PLPPR5: variants seen among roughly 807,000 people sequenced by gnomAD.
The protein encoded by PLPPR5 is phospholipid phosphatase related 5, also known as phospholipid phosphatase-related protein type 5.
PLPPR5 carries 16 observed loss-of-function variants against 33.9 expected under a neutral mutation model. The observed-to-expected ratio is 0.47, with a 90% CI of 0.32 to 0.72. The LOEUF (loss-of-function observed/expected upper bound fraction) is 0.72, where lower values mean the gene tolerates loss of function less well. Ranked by LOEUF, PLPPR5 falls within the 30% of genes least tolerant of loss-of-function variation. The pLI is 0.03. For missense variants in PLPPR5, 301 were observed against 406.7 expected, an observed-to-expected ratio of 0.74 and a Z score of 2.23; for synonymous variants, 163 against 150.3, an observed-to-expected ratio of 1.08 and a Z score of -0.62.
intron 1 of PLPPR5, among the ~76,000 whole-genome samples, chr1:98,971,485 G>T (rs1651658365): frequency 6.6e-6 from 1 of 151,858 alleles, no homozygotes; most frequent in Non-Finnish European, 1.5e-5. Flanking sequence ...TCAAGATTCA[G>T]ATTAGCATTT....
intron 1 of PLPPR5, among the ~76,000 whole-genome samples, chr1:98,987,796 A>G (rs903139195): frequency 5.3e-5 from 8 of 152,120 alleles, no homozygotes; most frequent in Non-Finnish European, 8.8e-5. Context: ...ATAAAGAATT[A>G]TGCATTTTAC....
intron 5 of PLPPR5, among the ~76,000 whole-genome samples, chr1:98,896,581 A>G (rs1648480074): frequency 1.3e-5 from 2 of 152,074 alleles, no homozygotes; most frequent in Non-Finnish European, 2.9e-5. Flanking sequence ...TGTAGATTAG[A>G]ATATGCTACA....
At chr1:98,894,988 T>A (rs1648415547) in intron 5 of PLPPR5, among the ~76,000 whole-genome samples, 1 of 151,996 alleles carries the variant, frequency 6.6e-6, no homozygotes, top group African/African-American at 2.4e-5. Context: ...AATATGGACA[T>A]GTGGAAGGGG....
At chr1:98,974,372 T>G (rs1429505105) in intron 1 of PLPPR5, among the ~76,000 whole-genome samples, 2 of 152,110 alleles carry the variant, frequency 1.3e-5, no homozygotes, top group South Asian at 2.1e-4. Flanking sequence ...TCACATTGCC[T>G]TTGCCTTTCA....
At chr1:98,971,654 T>C (rs1651665176) in intron 1 of PLPPR5, among the ~76,000 whole-genome samples, 1 of 152,030 alleles carries the variant, frequency 6.6e-6, no homozygotes, top group Non-Finnish European at 1.5e-5. Context: ...TGTGGGCTGC[T>C]AAAATATTGA....
In PLPPR5 at chr1:98,982,258, T is replaced by G. The variant is rs980233192; in HGVS notation, c.237+22177A>C. On this transcript the variant is annotated intron_variant, in intron 1 of 5. Transcript: ENST00000263177. ...TTTTACTGGCGGTGTTAGGTAAAAT[T>G]TATAGGATGCCAATGGTTTGGACTG... Among the ~76,000 whole-genome samples the G allele has an allele frequency of 4.6e-5, 7 of 152,062 alleles. 1 individual carries two copies. Among genetic ancestry groups the G allele is most frequent in the African/African-American group, 9.7e-5 (4 of 41,432 alleles).
At chr1:98,928,464 A>C (rs61172681) in intron 3 of PLPPR5, among the ~76,000 whole-genome samples, 5,270 of 150,428 alleles carry the variant, frequency 0.035, 299 homozygotes, top group African/African-American at 0.12. Flanking sequence ...AAATGGTAAT[A>C]GTTTGGATAC....
At chr1:98,966,537 A>G (rs1360074680) in intron 1 of PLPPR5, among the ~76,000 whole-genome samples, 2 of 152,174 alleles carry the variant, frequency 1.3e-5, no homozygotes, top group Non-Finnish European at 2.9e-5. Context: ...AGTAACCTAT[A>G]TATGTTACTA....
At chr1:98,968,536 AAT>A (rs1434828545) in intron 1 of PLPPR5, among the ~76,000 whole-genome samples, 1 of 152,108 alleles carries the variant, frequency 6.6e-6, no homozygotes, top group Non-Finnish European at 1.5e-5. Context: ...ATGTTTCTCA[AAT>A]AATATTTATG....
chr1:98,969,952 C>T (rs921966187), intron 1 of PLPPR5, among the ~76,000 whole-genome samples: 1 of 151,990 alleles, frequency 6.6e-6, no homozygotes, highest in Middle Eastern at 3.2e-3. Context: ...ACAGCTCTGC[C>T]TAAGAAAGCA....
chr1:99,004,309 G>T, intron 1 of PLPPR5, 126 bp downstream of exon 1: 1 of 793,198 alleles, frequency 1.3e-6, no homozygotes, highest in Non-Finnish European at 1.9e-6. Context: ...GGAAGGGGCT[G>T]CCCATAACTT....
chr1:98,921,024 C>A lies in PLPPR5; in HGVS notation c.798+858G>T, dbSNP rs1009136713. 8.5e-5 allele frequency among the ~76,000 whole-genome samples: 13 copies of A among 152,142 alleles called. No homozygotes were observed. The South Asian group carries it at 2.7e-3, about 32-fold the overall frequency. On this transcript the variant is annotated intron_variant, in intron 4 of 5. Transcript: ENST00000263177. ...TTATACTATACTTTAAGAGTATAATCAGATTTTATGGTATAAACATCAGTA... is the reference window on the plus strand; with the variant it reads ...TTATACTATACTTTAAGAGTATAATAAGATTTTATGGTATAAACATCAGTA...
intron 3 of PLPPR5, among the ~76,000 whole-genome samples, chr1:98,932,772 G>A (rs1650026061): frequency 6.6e-6 from 1 of 152,180 alleles, no homozygotes; most frequent in African/African-American, 2.4e-5. Context: ...TAAAGGCCCA[G>A]ATAGCATCAG....
intron 4 of PLPPR5, among the ~76,000 whole-genome samples, chr1:98,917,091 C>G (rs1649383257): frequency 6.6e-6 from 1 of 152,144 alleles, no homozygotes; most frequent in Non-Finnish European, 1.5e-5. Context: ...CCAGCACCCA[C>G]TCCAAACTTG....
intron 1 of PLPPR5, among the ~76,000 whole-genome samples, chr1:98,998,262 C>G (rs1016405695): frequency 1.3e-5 from 2 of 151,994 alleles, no homozygotes; most frequent in Non-Finnish European, 2.9e-5. Flanking sequence ...AAAAAGCATG[C>G]CTTAGAAACA....
At chr1:98,946,099 C>A (rs1650539595) in intron 3 of PLPPR5, among the ~76,000 whole-genome samples, 1 of 152,132 alleles carries the variant, frequency 6.6e-6, no homozygotes, top group Non-Finnish European at 1.5e-5. Flanking sequence ...AAATCCAAAT[C>A]CAAATCCAAA....
chr1:98,934,896 C>T (rs979611493), intron 3 of PLPPR5, among the ~76,000 whole-genome samples: 2 of 151,986 alleles, frequency 1.3e-5, no homozygotes, highest in Middle Eastern at 3.2e-3. Context: ...TTTGTATAAA[C>T]ATTAAGTCTG....
At chr1:98,995,769 G>A (rs1362107730) in intron 1 of PLPPR5, among the ~76,000 whole-genome samples, 6 of 152,084 alleles carry the variant, frequency 3.9e-5, no homozygotes, top group Non-Finnish European at 8.8e-5. Context: ...TTAGAGAATG[G>A]AATATGTAAA....
At chr1:98,937,462 A>G (rs1422431892) in intron 3 of PLPPR5, among the ~76,000 whole-genome samples, 1 of 152,194 alleles carries the variant, frequency 6.6e-6, no homozygotes, top group Non-Finnish European at 1.5e-5. Flanking sequence ...GATTGAGCTC[A>G]TAAGACACAT....
Sources: allele counts gnomAD v4.1 joint callset (sites outside exome capture counted in the v4.1 genomes callset), GRCh38; gene constraint gnomAD v4.1.1; transcripts MANE v1.5; gene names NCBI Gene and HGNC (gene_info 2026-07-23, HGNC 2026-07-21).